Variants in SGCZ observed in about 807,000 individuals in gnomAD.
The protein encoded by SGCZ is zeta-sarcoglycan.
In SGCZ, 40 loss-of-function variants were observed where a neutral mutation model predicts 41.3. The ratio of observed to expected loss-of-function variants is 0.97; its 90% CI spans 0.75 to 1.26. The LOEUF (loss-of-function observed/expected upper bound fraction) is 1.26. Among genes scored for constraint, SGCZ ranks in the 50% most tolerant of loss-of-function variants. SGCZ has a pLI of 0.00. For missense variants in SGCZ, 552 were observed against 369.8 expected, an observed-to-expected ratio of 1.49 and a Z score of -4.04; for synonymous variants, 206 against 137.5, an observed-to-expected ratio of 1.50 and a Z score of -3.49.
intron 2 of SGCZ, among the ~76,000 whole-genome samples, chr8:14,545,314 C>A (rs375033146): frequency 6.6e-6 from 1 of 152,070 alleles, no homozygotes; most frequent in South Asian, 2.1e-4. Context: ...CATAGAAATT[C>A]TTGCCCAATA....
intron 1 of SGCZ, among the ~76,000 whole-genome samples, chr8:14,843,396 A>G (rs1335000479): frequency 1.3e-5 from 2 of 152,136 alleles, no homozygotes; most frequent in Non-Finnish European, 2.9e-5. Context: ...CAGGCCAATT[A>G]GAATTTCAGG....
rs756256988 is a variant in SGCZ, at chr8:14,475,484, A to G, written c.234+79248T>C. Among the ~76,000 whole-genome samples the G allele has an allele frequency of 2.5e-4, 38 of 152,290 alleles. No individual in the cohort carries two copies. The Middle Eastern group carries it at 0.01, about 41-fold the overall frequency. On this transcript the variant is annotated intron_variant, in intron 2 of 7. Coordinates refer to ENST00000382080, the MANE Select transcript of SGCZ (RefSeq NM_139167.4). Reference sequence around the variant, plus strand: ...TTCATTTTTCATTCCAGTGATTGTTATTAAAGCAAAAGAGAACCCATGTGA... The same window carrying G: ...TTCATTTTTCATTCCAGTGATTGTTGTTAAAGCAAAAGAGAACCCATGTGA...
chr8:14,377,221 A>G (rs989555704), intron 2 of SGCZ, among the ~76,000 whole-genome samples: 4 of 152,202 alleles, frequency 2.6e-5, no homozygotes, highest in Non-Finnish European at 5.9e-5. Context: ...GATGTAATCA[A>G]TCATGCTTCC....
intron 1 of SGCZ, among the ~76,000 whole-genome samples, chr8:15,031,723 T>C (rs935481828): frequency 2.0e-5 from 3 of 152,172 alleles, no homozygotes; most frequent in Non-Finnish European, 2.9e-5. Context: ...CAATGTCAGC[T>C]ATATCAGTAA....
chr8:14,614,545 T>C (rs1806033481), intron 1 of SGCZ, among the ~76,000 whole-genome samples: 1 of 152,190 alleles, frequency 6.6e-6, no homozygotes, highest in African/African-American at 2.4e-5. Context: ...AAAGACTATT[T>C]AATACTCTCC....
chr8:15,019,709 G>C (rs903270691), intron 1 of SGCZ, among the ~76,000 whole-genome samples: 3 of 151,554 alleles, frequency 2.0e-5, no homozygotes, highest in African/African-American at 7.3e-5. Flanking sequence ...CCACAACTAA[G>C]TCATGTCCTC....
chr8:14,455,508 C>G (rs1351366908), intron 2 of SGCZ, among the ~76,000 whole-genome samples: 1 of 150,060 alleles, frequency 6.7e-6, no homozygotes, highest in South Asian at 2.1e-4. Flanking sequence ...ACACACTTCT[C>G]TTTCCTTTCA....
intron 1 of SGCZ, among the ~76,000 whole-genome samples, chr8:14,620,214 G>T (rs553790215): frequency 6.6e-6 from 1 of 152,236 alleles, no homozygotes; most frequent in Non-Finnish European, 1.5e-5. Flanking sequence ...AATAAATGGT[G>T]CTGGGAAAAC....
intron 2 of SGCZ, among the ~76,000 whole-genome samples, chr8:14,417,391 AT>A (rs553801995): frequency 2.8e-3 from 423 of 151,720 alleles, no homozygotes; most frequent in African/African-American, 8.0e-3. Context: ...TTATAATTCA[AT>A]TTTTTTACTC....
At chr8:14,880,277 G>A (rs987198545) in intron 1 of SGCZ, among the ~76,000 whole-genome samples, 1 of 152,146 alleles carries the variant, frequency 6.6e-6, no homozygotes, top group Non-Finnish European at 1.5e-5. Context: ...CAGTTAGAAT[G>A]GTGATCATTA....
chr8:15,118,834 T>C (rs571018700), intron 1 of SGCZ, among the ~76,000 whole-genome samples: 2 of 152,278 alleles, frequency 1.3e-5, no homozygotes, highest in East Asian at 3.9e-4. Context: ...TAGTTATAAA[T>C]ATATGCCTTT....
chr8:14,425,236 G>A (rs1799745945), intron 2 of SGCZ, among the ~76,000 whole-genome samples: 2 of 152,154 alleles, frequency 1.3e-5, no homozygotes, highest in South Asian at 2.1e-4. Context: ...CTCACTACCA[G>A]CTGAGAGTAT....
chr8:14,292,311 C>G (rs1421619134), intron 3 of SGCZ, among the ~76,000 whole-genome samples: 1 of 151,906 alleles, frequency 6.6e-6, no homozygotes, highest in African/African-American at 2.4e-5. Context: ...AGAGTAGCTA[C>G]TCAATTACGG....
At chr8:14,374,126 C>G (rs146024891) in intron 2 of SGCZ, among the ~76,000 whole-genome samples, 1 of 152,028 alleles carries the variant, frequency 6.6e-6, no homozygotes, top group African/African-American at 2.4e-5. Context: ...ACCTATAATC[C>G]CGGCACTTTG....
rs9918784 is a variant in SGCZ, at chr8:14,700,458, G to A, written c.40-145532C>T. 1.0e-3 allele frequency among the ~76,000 whole-genome samples: 153 copies of A among 151,966 alleles called. 2 individuals carry two copies. Among genetic ancestry groups the A allele is most frequent in the African/African-American group, 3.5e-3 (147 of 41,498 alleles). On this transcript the variant is annotated intron_variant, in intron 1 of 7. Transcript: ENST00000382080. ...GAATAATGGACACTGAGGACTACTA[G>A]AGGATGGATGGCAGGAGATGGGGGA...
At chr8:14,552,199 C>T (rs1278016339) in intron 2 of SGCZ, among the ~76,000 whole-genome samples, 1 of 151,998 alleles carries the variant, frequency 6.6e-6, no homozygotes, top group East Asian at 1.9e-4. Flanking sequence ...TTTTACTGCT[C>T]TGATGGAAGA....
chr8:14,261,177 C>T (rs112089174), intron 3 of SGCZ, among the ~76,000 whole-genome samples: 3 of 152,232 alleles, frequency 2.0e-5, no homozygotes, highest in African/African-American at 7.2e-5. Flanking sequence ...GGATATCTTG[C>T]CCAAGTAAAA....
chr8:14,907,748 CTATA>C (rs1799162387), intron 1 of SGCZ, among the ~76,000 whole-genome samples: 1 of 152,124 alleles, frequency 6.6e-6, no homozygotes, highest in Admixed American at 6.5e-5. Flanking sequence ...ACACTACAAC[CTATA>C]TAAGCTACAT....
Position 14,573,361 on chromosome 8 carries a change from C to T in SGCZ, c.40-18435G>A, listed in dbSNP as rs555835377. On this transcript the variant is annotated intron_variant, in intron 1 of 7. Coordinates refer to ENST00000382080, the MANE Select transcript of SGCZ (RefSeq NM_139167.4). Reference sequence around the variant, plus strand: ...TACAGGAGCCCTCCATCGCGCCCGGCTAAATTTTTTTTGTATTTTTAGTAG... The same window carrying T: ...TACAGGAGCCCTCCATCGCGCCCGGTTAAATTTTTTTTGTATTTTTAGTAG... Among the ~76,000 whole-genome samples the T allele has an allele frequency of 2.2e-4, 30 of 137,320 alleles. No homozygotes were observed. The East Asian group carries it at 6.2e-3, about 28-fold the overall frequency. 90.1% of individuals were successfully genotyped at this position (137,320 alleles called of 152,430 possible).
Sources: allele counts gnomAD v4.1 joint callset (sites outside exome capture counted in the v4.1 genomes callset), GRCh38; gene constraint gnomAD v4.1.1; transcripts MANE v1.5; gene names NCBI Gene and HGNC (gene_info 2026-07-23, HGNC 2026-07-21).